The following ZNF131 variants were observed in gnomAD, a reference collection of about 807,000 sequenced individuals.
ZNF131 encodes the protein zinc finger and BTB domain containing 35.
In ZNF131, 7 loss-of-function variants were observed where a neutral mutation model predicts 60.0. That is an observed-to-expected ratio of 0.12 (90% CI 0.07 to 0.22). The LOEUF is 0.22. Ranked by LOEUF, ZNF131 falls within the 10% of genes least tolerant of loss-of-function variation. ZNF131 has a pLI of 1.00. For synonymous variants in ZNF131, 257 were observed against 253.2 expected, an observed-to-expected ratio of 1.01 and a Z score of -0.14; for missense variants, 493 against 740.9, an observed-to-expected ratio of 0.67 and a Z score of 3.88.
chr5:43,171,021 T>G (rs1579917265), intron 5 of ZNF131, among the ~76,000 whole-genome samples: 2 of 151,558 alleles, frequency 1.3e-5, no homozygotes, highest in African/African-American at 4.9e-5. Flanking sequence ...CTCGGCTCAC[T>G]GCAACCCCTG....
At chr5:43,157,509 G>A (rs927524657) in intron 4 of ZNF131, among the ~76,000 whole-genome samples, 2 of 151,852 alleles carry the variant, frequency 1.3e-5, no homozygotes, top group African/African-American at 2.4e-5. Context: ...TGATAAAAGA[G>A]TCTCTCTCCC....
chr5:43,166,869 A>AG (rs1253021857), intron 5 of ZNF131, among the ~76,000 whole-genome samples: 2 of 151,928 alleles, frequency 1.3e-5, no homozygotes, highest in Non-Finnish European at 2.9e-5. Flanking sequence ...CATCTTGGCC[A>AG]GGCTGGTCTT....
At chr5:43,149,045 C>T (rs928681768) in intron 4 of ZNF131, among the ~76,000 whole-genome samples, 6 of 152,138 alleles carry the variant, frequency 3.9e-5, no homozygotes, top group African/African-American at 7.2e-5. Flanking sequence ...TTTGGCAGGC[C>T]GAGGCGAGCA....
At chr5:43,165,646 C>T (rs1347887259) in intron 5 of ZNF131, among the ~76,000 whole-genome samples, 2 of 152,218 alleles carry the variant, frequency 1.3e-5, no homozygotes, top group Non-Finnish European at 2.9e-5. Context: ...TCTTCCGTTT[C>T]TGTAGCCCAG....
At chr5:43,153,893 C>G (rs998052729) in intron 4 of ZNF131, among the ~76,000 whole-genome samples, 1 of 152,180 alleles carries the variant, frequency 6.6e-6, no homozygotes, top group African/African-American at 2.4e-5. Context: ...CCATACTCAA[C>G]AAGCTACTCA....
chr5:43,131,228 A>G (rs1418639472), intron 3 of ZNF131, among the ~76,000 whole-genome samples: 1 of 151,644 alleles, frequency 6.6e-6, no homozygotes, highest in African/African-American at 2.4e-5. Context: ...GCTGGAGTGC[A>G]AAGGTGCAAT....
intron 6 of ZNF131, 70 bp downstream of exon 6, chr5:43,173,518 G>C: frequency 1.3e-6 from 2 of 1,539,504 alleles, no homozygotes; most frequent in Non-Finnish European, 8.8e-7. Context: ...AAAGCAAAGG[G>C]AAACAGAGTC....
At chr5:43,162,963 A>T (rs374900133) in intron 5 of ZNF131, among the ~76,000 whole-genome samples, 1,915 of 49,916 alleles carry the variant, frequency 0.038, 23 homozygotes, top group Non-Finnish European at 0.055. Flanking sequence ...CTTTTCTTTT[A>T]TTTGCCTTTT....
chr5:43,142,565 A>G (rs552336281), intron 4 of ZNF131, among the ~76,000 whole-genome samples: 1 of 151,806 alleles, frequency 6.6e-6, no homozygotes, highest in Non-Finnish European at 1.5e-5. Context: ...CGACCTCCCA[A>G]AGTGCTGGGA....
chr5:43,129,218 G>C (rs565137715), intron 3 of ZNF131, among the ~76,000 whole-genome samples: 1 of 152,212 alleles, frequency 6.6e-6, no homozygotes, highest in East Asian at 1.9e-4. Context: ...TTGCAGGCAT[G>C]AGCCACCATG....
chr5:43,152,040 C>T (rs1019454992), intron 4 of ZNF131, among the ~76,000 whole-genome samples: 1 of 151,766 alleles, frequency 6.6e-6, no homozygotes, highest in Non-Finnish European at 1.5e-5. Flanking sequence ...GAGTCCCGCT[C>T]TGTCGCCCAG....
intron 5 of ZNF131, among the ~76,000 whole-genome samples, chr5:43,171,819 A>G (rs1232527314): frequency 6.6e-6 from 1 of 151,702 alleles, no homozygotes; most frequent in African/African-American, 2.4e-5. Context: ...GGAGATTCGC[A>G]GTGTTGGCCA....
chr5:43,144,173 C>T (rs533300420), intron 4 of ZNF131, among the ~76,000 whole-genome samples: 11 of 148,880 alleles, frequency 7.4e-5, no homozygotes, highest in Non-Finnish European at 1.3e-4. Flanking sequence ...CCACTTGTCT[C>T]GGCCTCCCAA....
chr5:43,123,586 A>G, intron 3 of ZNF131: 1 of 280,110 alleles, frequency 3.6e-6, no homozygotes, highest in Non-Finnish European at 6.7e-6. Flanking sequence ...CATTGTGGAA[A>G]CTGGTGGTCA....
chr5:43,162,053 A>G, intron 5 of ZNF131, 122 bp downstream of exon 5: 1 of 925,596 alleles, frequency 1.1e-6, no homozygotes, highest in Non-Finnish European at 1.6e-6. Flanking sequence ...TCTAATGTGT[A>G]GGCTAAGTAC....
Position 43,161,827 on chromosome 5 carries a change from T to C in ZNF131, c.950T>C (p.Val317Ala). 1.2e-6 allele frequency: 2 copies of C among 1,614,082 alleles called. No individual in the cohort carries two copies. The highest frequency in any genetic ancestry group is 1.7e-6 in the Non-Finnish European group (2 of 1,180,030). The change falls in exon 5 of 7, where the codon GTC becomes GCC. Residue 317 changes from valine (V) to alanine (A), a missense_variant. Physicochemically the swap from Val to Ala is moderately conservative, Grantham distance 64. Around this residue, in one of 7 missense-constraint regions of ZNF131, gnomAD observed 22 missense variants for 26.7 expected, o/e 0.82. Transcript: ENST00000682664. ...LNCYHLEEGG[V>A]SKKQRTGKKI... is the part of the protein sequence containing the mutation. ...TGTTACCACCTTGAAGAAGGTGGAG[T>C]CAGTAAGAAGCAAAGAACTGGGAAA...
intron 4 of ZNF131, among the ~76,000 whole-genome samples, chr5:43,141,536 G>A (rs1444557879): frequency 1.3e-5 from 2 of 152,136 alleles, no homozygotes; most frequent in Non-Finnish European, 2.9e-5. Context: ...GGGAGGCCAA[G>A]GTGGGTGGAT....
rs773925878 is a variant in ZNF131 at position 43,161,501 on chromosome 5, T to G, written c.624T>G (p.Asp208Glu). The change falls in exon 5 of 7, where the codon GAT (aspartate) becomes GAG (glutamate). Residue 208 changes from aspartate (D) to glutamate (E), a missense_variant. Asp to Glu is a conservative substitution (Grantham distance 45, BLOSUM62 2). Transcript: ENST00000682664. Reference sequence around the variant, plus strand: ...TACAGAGCACAGGTTCCTCTGATGATTCTGCTCTAGCACTGTTGGCAGATA... The same window carrying G: ...TACAGAGCACAGGTTCCTCTGATGAGTCTGCTCTAGCACTGTTGGCAGATA... ...KYIQSTGSSD[D>E]SALALLADIT... 2.5e-6 allele frequency: 4 copies of G among 1,614,274 alleles called. No individual in the cohort carries two copies. Among genetic ancestry groups the G allele is most frequent in the Non-Finnish European group, 3.4e-6 (4 of 1,180,052 alleles).
At chr5:43,172,456 A>G (rs977418910) in intron 5 of ZNF131, among the ~76,000 whole-genome samples, 2 of 152,148 alleles carry the variant, frequency 1.3e-5, no homozygotes, top group Non-Finnish European at 2.9e-5. Context: ...CCCCGTCTAT[A>G]CTAAAGATAC....
Sources: allele counts gnomAD v4.1 joint callset (sites outside exome capture counted in the v4.1 genomes callset), GRCh38; gene constraint gnomAD v4.1.1; regional missense constraint gnomAD v4.1.1; transcripts MANE v1.5; gene names NCBI Gene and HGNC (gene_info 2026-07-23, HGNC 2026-07-21).